Variants in C19orf38 observed in about 807,000 individuals in gnomAD.
C19orf38 encodes the protein protein HIDE1.
C19orf38 carries 14 observed loss-of-function variants against 26.6 expected under a neutral mutation model. The observed-to-expected ratio is 0.53, with a 90% confidence interval of 0.35 to 0.82. The LOEUF (loss-of-function observed/expected upper bound fraction) is 0.82. C19orf38 is among the 40% of genes least tolerant of loss of function. C19orf38 has a pLI of 0.01. For missense variants in C19orf38, 261 were observed against 299.5 expected, an observed-to-expected ratio of 0.87 and a Z score of 0.95; for synonymous variants, 132 against 128.5, an observed-to-expected ratio of 1.03 and a Z score of -0.18.
At chr19:10,843,849 C>A (rs563784253), upstream of C19orf38, among the ~76,000 whole-genome samples, 4 of 152,136 alleles carry the variant, frequency 2.6e-5, no homozygotes, top group African/African-American at 9.7e-5. Context: ...CTGGGCATGG[C>A]GGCTCATGCC....
intron 1 of C19orf38, 127 bp from the exon 2 acceptor site, chr19:10,850,132 G>T: frequency 2.3e-6 from 2 of 860,594 alleles, no homozygotes; most frequent in South Asian, 1.8e-5. Context: ...GTGGGGTAGG[G>T]TCACTAGCCT....
chr19:10,858,939 T>C (rs1018346478), intron 4 of C19orf38, among the ~76,000 whole-genome samples: 1 of 93,154 alleles, frequency 1.1e-5, no homozygotes, highest in Non-Finnish European at 2.8e-5. Context: ...TATATATGTT[T>C]TTTTTTTTTT....
upstream of C19orf38, among the ~76,000 whole-genome samples, chr19:10,845,840 T>C (rs146876705): frequency 0.028 from 4,111 of 147,442 alleles, 397 homozygotes; most frequent in East Asian, 0.36. Context: ...GATCACGCCA[T>C]TGCACTCCAG....
At chr19:10,845,225 C>T (rs2073507929), upstream of C19orf38, among the ~76,000 whole-genome samples, 1 of 151,446 alleles carries the variant, frequency 6.6e-6, no homozygotes, top group South Asian at 2.1e-4. Flanking sequence ...ACTACCTTGA[C>T]CAAATTGTAT....
At chr19:10,845,601 C>T (rs550305307), upstream of C19orf38, among the ~76,000 whole-genome samples, 1 of 152,076 alleles carries the variant, frequency 6.6e-6, no homozygotes, top group South Asian at 2.1e-4. Flanking sequence ...AAAGGTGGGC[C>T]GGGTGCGGTG....
chr19:10,863,163 G>A lies in C19orf38; in HGVS notation c.506-7G>A. 1 of 1,551,280 alleles carries A rather than the reference G, an allele frequency of 6.4e-7. No homozygotes were observed. Among genetic ancestry groups the A allele is most frequent in the Non-Finnish European group, 8.7e-7 (1 of 1,146,700 alleles). ...AATCCTGGGTTTTCTTTCTCTTTCTGTTTCAGACATGTCCTTCGATAACTC... is the reference window on the plus strand; with the variant it reads ...AATCCTGGGTTTTCTTTCTCTTTCTATTTCAGACATGTCCTTCGATAACTC... On this transcript the variant is annotated splice_polypyrimidine_tract_variant and splice_region_variant and intron_variant, in intron 5 of 6. Coordinates refer to ENST00000397820, the MANE Select transcript of C19orf38 (RefSeq NM_001136482.3).
rs2073562154 is a variant in C19orf38, at chr19:10,850,534, G to C, written c.307G>C (p.Asp103His). The C allele has an allele frequency of 6.4e-7, 1 of 1,551,586 alleles. No individual in the cohort carries two copies. The highest frequency in any genetic ancestry group is 1.2e-5 in the South Asian group (1 of 84,046). The change falls in exon 2 of 7, where the codon GAC (aspartate) becomes CAC (histidine). Residue 103 changes from aspartate (D) to histidine (H), a missense_variant. Physicochemically the swap from Asp to His is moderately conservative, Grantham distance 81. Coordinates refer to ENST00000397820, the MANE Select transcript of C19orf38 (RefSeq NM_001136482.3). Reference protein sequence around the residue: ...LGELNQSQLSDLSEPVNVSFP... With the variant: ...LGELNQSQLSHLSEPVNVSFP... Reference sequence around the variant, plus strand: ...TGAGCTCAACCAGTCCCAGCTGTCAGACCTCAGCGAGCCCGTGAACGTCTC... The same window carrying C: ...TGAGCTCAACCAGTCCCAGCTGTCACACCTCAGCGAGCCCGTGAACGTCTC...
At chr19:10,858,449 G>T in intron 4 of C19orf38, 106 bp downstream of exon 4, 1 of 1,108,840 alleles carries the variant, frequency 9.0e-7, no homozygotes, top group Non-Finnish European at 1.3e-6. Flanking sequence ...CTCCTGGTGG[G>T]CATGCTGCGT....
Position 10,869,253 on chromosome 19 carries a change from T to G in C19orf38, c.579T>G (p.Asp193Glu). ...TMPEEDPATL[D>E]DHSGTTATPS... ...CAGAAGAAGACCCGGCCACCTTGGA[T>G]GATCACTCAGGCACCACTGCCACCC... The change falls in exon 7 of 7, where the codon GAT becomes GAG. Residue 193 changes from aspartate (D) to glutamate (E), a missense_variant. Physicochemically the swap from Asp to Glu is conservative, Grantham distance 45. Transcript: ENST00000397820. The G allele has an allele frequency of 6.4e-7, 1 of 1,551,696 alleles. No individual in the cohort carries two copies. Among genetic ancestry groups the G allele is most frequent in the Non-Finnish European group, 8.7e-7 (1 of 1,146,986 alleles).
intron 1 of C19orf38, among the ~76,000 whole-genome samples, chr19:10,837,633 G>A (rs908944376): frequency 1.4e-5 from 2 of 147,206 alleles, no homozygotes; most frequent in African/African-American, 2.5e-5. Context: ...TCAGCCTTCC[G>A]AGTAGCTGAG....
In C19orf38 at chr19:10,869,541, A is replaced by G. The variant is rs2073783620; in HGVS notation, c.*174A>G. The G allele has an allele frequency of 2.1e-6, 2 of 935,918 alleles. No individual in the cohort carries two copies. Among genetic ancestry groups the G allele is most frequent in the Non-Finnish European group, 3.1e-6 (2 of 647,518 alleles). 58.0% of individuals were successfully genotyped at this position (935,918 alleles called of 1,614,324 possible). A position where few individuals can be genotyped will look rare whatever the true frequency, so the allele number is the denominator to read the frequency against. On this transcript the variant is annotated 3_prime_UTR_variant, in exon 7 of 7. Transcript: ENST00000397820. ...GAGGAGTGGGAGAGGGGACACAGGCATGGGCCTGGCACTATACAGACAACA... is the reference window on the plus strand; with the variant it reads ...GAGGAGTGGGAGAGGGGACACAGGCGTGGGCCTGGCACTATACAGACAACA...
intron 1 of C19orf38, among the ~76,000 whole-genome samples, chr19:10,841,313 T>TACACACACAATACTTTACAAATA (rs1319493226): frequency 3.3e-5 from 5 of 151,934 alleles, no homozygotes; most frequent in Non-Finnish European, 7.4e-5. Flanking sequence ...CCTACCACCA[T>TACACACACAATACTTTACAAATA]CTTTACAAAA....
intron 3 of C19orf38, 136 bp downstream of exon 3, chr19:10,856,493 T>C: frequency 2.1e-6 from 1 of 471,556 alleles, no homozygotes; most frequent in Non-Finnish European, 3.6e-6. Flanking sequence ...TTTAAAAGTA[T>C]TTATTTATTT....
At chr19:10,857,010 GCTGGGTAACTC>G (rs1568336354) in intron 3 of C19orf38, among the ~76,000 whole-genome samples, 2 of 151,408 alleles carry the variant, frequency 1.3e-5, no homozygotes, top group Non-Finnish European at 2.9e-5. Context: ...TGTTGCCCAG[GCTGGGTAACTC>G]CTGGGCTCAA....
At chr19:10,855,232 T>C in intron 2 of C19orf38, among the ~76,000 whole-genome samples, 1 of 151,742 alleles carries the variant, frequency 6.6e-6, no homozygotes, top group Non-Finnish European at 1.5e-5. Flanking sequence ...GAGGTTTCAC[T>C]ATGTTGGCCA....
intron 2 of C19orf38, among the ~76,000 whole-genome samples, chr19:10,851,350 C>CTTT (rs56183502): frequency 4.2e-5 from 6 of 143,236 alleles, no homozygotes; most frequent in South Asian, 2.2e-4. Context: ...CTGCACCTGG[C>CTTT]TTTTTTTTTT....
chr19:10,865,145 T>C (rs1176610240), intron 6 of C19orf38, among the ~76,000 whole-genome samples: 1 of 152,024 alleles, frequency 6.6e-6, no homozygotes, highest in Admixed American at 6.6e-5. Context: ...TTGAGGTAGT[T>C]TTTATTTATT....
chr19:10,858,519 T>TCCCG (rs1402029671), intron 4 of C19orf38, among the ~76,000 whole-genome samples, 176 bp downstream of exon 4: 2 of 152,118 alleles, frequency 1.3e-5, no homozygotes, highest in Non-Finnish European at 2.9e-5. Context: ...GAGCTGGGAC[T>TCCCG]CTCTGAAGCT....
Position 10,850,490 on chromosome 19 carries a change from G to T in C19orf38, c.263G>T (p.Cys88Phe). ...SSKAPGGPFH[C>F]QYGVLGELNQ... is the part of the protein sequence containing the mutation. ...AAGGCTCCAGGGGGACCCTTCCACT[G>T]CCAGTATGGAGTGTTAGGTGAGCTC... Residue 88 changes from cysteine (C) to phenylalanine (F), a missense_variant, in exon 2 of 7, where the codon TGC (cysteine) becomes TTC (phenylalanine). By Grantham distance (205) the Cys-to-Phe change is radical (BLOSUM62 -2). Coordinates refer to ENST00000397820, the MANE Select transcript of C19orf38 (RefSeq NM_001136482.3). 3 of 1,551,648 alleles carry T rather than the reference G, an allele frequency of 1.9e-6. No homozygotes were observed. Among genetic ancestry groups the T allele is most frequent in the Non-Finnish European group, 2.6e-6 (3 of 1,146,986 alleles).
Sources: gnomAD v4.1 joint callset for allele counts (sites outside exome capture counted in the v4.1 genomes callset) on GRCh38, gnomAD v4.1.1 for gene constraint, MANE v1.5 for transcripts, NCBI Gene and HGNC (gene_info 2026-07-23, HGNC 2026-07-21) for gene names.